Variants in ELL observed in about 807,000 individuals in gnomAD.
ELL encodes RNA polymerase II elongation factor ELL.
Under a neutral mutation model 64.0 loss-of-function variants are expected in ELL, and 18 were observed. The ratio of observed to expected loss-of-function variants is 0.28; its 90% CI spans 0.19 to 0.42. The LOEUF is 0.42. Ranked by LOEUF, ELL falls within the 10% of genes least tolerant of loss-of-function variation. ELL has a pLI of 1.00. For missense variants in ELL, 797 were observed against 870.4 expected (o/e 0.92, Z 1.06); for synonymous variants, 399 against 376.2 (o/e 1.06, Z -0.70).
At chr19:18,475,555 ATTATT>A (rs1975158236) in intron 1 of ELL, among the ~76,000 whole-genome samples, 1 of 152,174 alleles carries the variant, frequency 6.6e-6, no homozygotes, top group Non-Finnish European at 1.5e-5. Context: ...TTATAGCAGA[ATTATT>A]TAGAGAATCC....
At chr19:18,470,676 TC>T (rs1283644070) in intron 2 of ELL, among the ~76,000 whole-genome samples, 1 of 151,990 alleles carries the variant, frequency 6.6e-6, no homozygotes, top group Non-Finnish European at 1.5e-5. Flanking sequence ...ATGGTTACCA[TC>T]CACAAACCAG....
chr19:18,454,840 C>CAAAAAAAAAAAAAAAAAAAAAAAA (rs563546343), intron 6 of ELL, among the ~76,000 whole-genome samples: 17 of 56,506 alleles, frequency 3.0e-4, no homozygotes, highest in East Asian at 4.8e-4. Flanking sequence ...GACTCAGTCT[C>CAAAAAAAAAAAAAAAAAAAAAAAA]AAAAAAAAAA....
In ELL at chr19:18,450,521, G is replaced by A. The variant is rs777558208; in HGVS notation, c.1421C>T (p.Ala474Val). The change falls in exon 8 of 12, where the codon GCA (alanine) becomes GTA (valine). Residue 474 changes from alanine to valine, a missense_variant. Physicochemically the swap from Ala to Val is moderately conservative, Grantham distance 64. Coordinates refer to ENST00000262809, the MANE Select transcript of ELL (RefSeq NM_006532.4). ...DKPRAQLPDC[A>V]PATHATPGAP... ...TCCGGGGGTGGCATGGGTGGCAGGT[G>A]CACAGTCTGGAAGCTGGGCCCGGGG... 3 of 1,613,270 alleles carry A rather than the reference G, an allele frequency of 1.9e-6. No individual in the cohort carries two copies. Among genetic ancestry groups the A allele is most frequent in the Admixed American group, 3.3e-5 (2 of 60,032 alleles).
In ELL at chr19:18,451,667, G is replaced by A. The variant is rs1284252862; in HGVS notation, c.870-19C>T. 3 of 1,485,876 alleles carry A rather than the reference G, an allele frequency of 2.0e-6. No homozygotes were observed. Among genetic ancestry groups the A allele is most frequent in the South Asian group, 2.6e-5 (2 of 77,084 alleles). The allele number at this position is 1,485,876 out of a possible 1,614,324, so 92.0% of individuals were successfully genotyped here. A position where few individuals can be genotyped will look rare whatever the true frequency, so the allele number is the denominator to read the frequency against. ...CAGCTTCCTGCGAAGGAGAGGCAGG[G>A]CTAGGTCAGAAGGTGCTGAGGGGGC... On this transcript the variant is annotated intron_variant, in intron 6 of 11. Coordinates refer to ENST00000262809, the MANE Select transcript of ELL (RefSeq NM_006532.4).
Position 18,458,319 on chromosome 19 carries a change from A to C in ELL, c.755T>G (p.Met252Arg), listed in dbSNP as rs778775562. 11 of 1,610,726 alleles carry C rather than the reference A, an allele frequency of 6.8e-6. No homozygotes were observed. The highest frequency in any genetic ancestry group is 9.3e-6 in the Non-Finnish European group (11 of 1,178,338). The change falls in exon 6 of 12, where the codon ATG becomes AGG. Residue 252 changes from methionine (M) to arginine (R), a missense_variant. Transcript: ENST00000262809. Reference sequence around the variant, plus strand: ...TGTACACGTGCCGTCCTTAGCACTCATGTTGGCCACCTGCAAGACAGAGCC... The same window carrying C: ...TGTACACGTGCCGTCCTTAGCACTCCTGTTGGCCACCTGCAAGACAGAGCC... ...LDGLLQQVAN[M>R]SAKDGTCTLQ...
At chr19:18,491,295 T>G (rs1258341192) in intron 1 of ELL, among the ~76,000 whole-genome samples, 7 of 126,464 alleles carry the variant, frequency 5.5e-5, no homozygotes, top group African/African-American at 1.7e-4. Flanking sequence ...TTTTTTTTAG[T>G]AGAGATGGAG....
In ELL at chr19:18,501,571, CG is replaced by C. The variant is rs1338601175; in HGVS notation, c.135+20349del. Among the ~76,000 whole-genome samples, 1 of 152,160 alleles carries C rather than the reference CG, an allele frequency of 6.6e-6. No individual in the cohort carries two copies. The highest frequency in any genetic ancestry group is 1.5e-5 in the Non-Finnish European group (1 of 68,034). ...ACGGCACAGCCAGCTCAGAGCCAGG[CG>C]GATGAGACGGGGGCCAAGCCAGGGG... is the stretch of plus-strand genomic sequence containing the variant. On this transcript the variant is annotated intron_variant, in intron 1 of 11. Coordinates refer to ENST00000262809, the MANE Select transcript of ELL (RefSeq NM_006532.4). This position sits in a 1 kb window ranked among gnomAD's most constrained non-coding sequence, Gnocchi z 4.5.
intron 2 of ELL, among the ~76,000 whole-genome samples, chr19:18,466,955 C>T (rs927557201): frequency 2.7e-4 from 41 of 152,312 alleles, no homozygotes; most frequent in African/African-American, 8.4e-4. Flanking sequence ...CTGCCTCATA[C>T]GCCCATGGGA....
chr19:18,475,355 C>T (rs559898573), intron 1 of ELL, among the ~76,000 whole-genome samples: 74 of 152,284 alleles, frequency 4.9e-4, no homozygotes, highest in African/African-American at 1.8e-3. Flanking sequence ...AAGAAGCTGA[C>T]AAGAGCAAGT....
chr19:18,518,748 G>A (rs929093619), intron 1 of ELL, among the ~76,000 whole-genome samples: 4 of 151,638 alleles, frequency 2.6e-5, no homozygotes, highest in Admixed American at 6.6e-5. Flanking sequence ...CTGAGATCAC[G>A]CCAGCGCAAT....
intron 1 of ELL, among the ~76,000 whole-genome samples, chr19:18,481,264 G>T (rs1975294140): frequency 6.6e-6 from 1 of 152,158 alleles, no homozygotes; most frequent in African/African-American, 2.4e-5. Context: ...TGCAACAACT[G>T]AGCATAAACT....
At chr19:18,478,298 T>C (rs1450353180) in intron 1 of ELL, among the ~76,000 whole-genome samples, 1 of 152,208 alleles carries the variant, frequency 6.6e-6, no homozygotes, top group South Asian at 2.1e-4. Context: ...GTGATTTCCC[T>C]GCTGCCTTAG....
At chr19:18,511,464 G>C (rs182815077) in intron 1 of ELL, among the ~76,000 whole-genome samples, 3 of 152,298 alleles carry the variant, frequency 2.0e-5, no homozygotes, top group Admixed American at 2.0e-4. Flanking sequence ...GCAGGGGTTT[G>C]AACAGATACT....
chr19:18,474,051 G>A lies in ELL; in HGVS notation c.136-1169C>T, dbSNP rs568626243. 4.5e-4 allele frequency among the ~76,000 whole-genome samples: 68 copies of A among 152,346 alleles called. No homozygotes were observed. The South Asian group carries it at 0.013, about 29-fold the overall frequency. On this transcript the variant is annotated intron_variant, in intron 1 of 11. Transcript: ENST00000262809. Reference sequence around the variant, plus strand: ...CAGCTCCACACCTGCGACAGTATCAGAGACAACACCTACCCCATGGGTCAG... The same window carrying A: ...CAGCTCCACACCTGCGACAGTATCAAAGACAACACCTACCCCATGGGTCAG...
At chr19:18,484,809 A>T (rs556177028) in intron 1 of ELL, among the ~76,000 whole-genome samples, 5 of 152,272 alleles carry the variant, frequency 3.3e-5, no homozygotes, top group African/African-American at 1.2e-4. Context: ...CAGGTACTGG[A>T]CCTAGGAATT....
At chr19:18,445,178 C>T in intron 11 of ELL, 46 bp downstream of exon 11, 1 of 1,611,740 alleles carries the variant, frequency 6.2e-7, no homozygotes, top group African/African-American at 1.3e-5. Flanking sequence ...CTCCCTCCAG[C>T]TCCCATGGCT....
intron 1 of ELL, among the ~76,000 whole-genome samples, chr19:18,512,375 C>T (rs1222250146): frequency 1.3e-5 from 2 of 152,072 alleles, no homozygotes; most frequent in Non-Finnish European, 2.9e-5. Flanking sequence ...CGGTGACTCA[C>T]GCCTGTAATC....
intron 1 of ELL, among the ~76,000 whole-genome samples, chr19:18,520,260 C>T (rs1024903872): frequency 1.3e-5 from 2 of 152,114 alleles, no homozygotes; most frequent in African/African-American, 4.8e-5. Context: ...ATATGACTCA[C>T]GAGCTCTCCC....
intron 6 of ELL, among the ~76,000 whole-genome samples, chr19:18,456,451 C>G (rs1974676638): frequency 6.6e-6 from 1 of 152,236 alleles, no homozygotes; most frequent in African/African-American, 2.4e-5. Context: ...AGCAGTCCTC[C>G]TGGAGCCCTG....
Sources: gnomAD v4.1 joint callset for allele counts (sites outside exome capture counted in the v4.1 genomes callset) on GRCh38, gnomAD v4.1.1 for gene constraint, Gnocchi (gnomAD v3.1) non-coding constraint, MANE v1.5 for transcripts, NCBI Gene and HGNC (gene_info 2026-07-23, HGNC 2026-07-21) for gene names.